OSBPL10: variants seen among roughly 807,000 people sequenced by gnomAD.
The protein encoded by OSBPL10 is oxysterol-binding protein-related protein 10.
In OSBPL10, 49 loss-of-function variants were observed where a neutral mutation model predicts 81.7. The observed-to-expected ratio is 0.60, with a 90% CI of 0.48 to 0.76. The LOEUF is 0.76. Among genes scored for constraint, OSBPL10 ranks in the 30% least tolerant of loss-of-function variants. The pLI is 0.00. For missense variants in OSBPL10, 923 were observed against 987.8 expected, an observed-to-expected ratio of 0.93 and a Z score of 0.88; for synonymous variants, 419 against 383.6, an observed-to-expected ratio of 1.09 and a Z score of -1.08.
intron 1 of OSBPL10, among the ~76,000 whole-genome samples, chr3:31,905,706 G>A (rs1007532592): frequency 1.3e-5 from 2 of 151,514 alleles, no homozygotes; most frequent in African/African-American, 4.9e-5. Flanking sequence ...GAGAGAGGAG[G>A]ACAAAGATTA....
chr3:31,708,892 C>T (rs1696162195), intron 6 of OSBPL10: 1 of 985,342 alleles, frequency 1.0e-6, no homozygotes, highest in South Asian at 4.7e-5. Context: ...GGACACATGC[C>T]TTCAGCTGGT....
At chr3:31,841,071 G>C (rs773922963) in intron 3 of OSBPL10, among the ~76,000 whole-genome samples, 1 of 152,178 alleles carries the variant, frequency 6.6e-6, no homozygotes, top group Non-Finnish European at 1.5e-5. Flanking sequence ...ACCACGCCCA[G>C]CTAATTTTGT....
At chr3:31,887,731 A>G (rs1243000132) in intron 1 of OSBPL10, among the ~76,000 whole-genome samples, 1 of 152,188 alleles carries the variant, frequency 6.6e-6, no homozygotes, top group African/African-American at 2.4e-5. Context: ...AAGACACTGG[A>G]TCCTACAGCC....
Position 31,951,177 on chromosome 3 carries a change from T to G in OSBPL10, c.281+29722A>C, listed in dbSNP as rs570115486. 2.5e-4 allele frequency among the ~76,000 whole-genome samples: 38 copies of G among 151,848 alleles called. No individual in the cohort carries two copies. In the South Asian group the frequency reaches 7.3e-3, roughly 29 times the overall value. On this transcript the variant is annotated intron_variant, in intron 1 of 11. Coordinates refer to ENST00000396556, the MANE Select transcript of OSBPL10 (RefSeq NM_017784.5). ...ACCCATCACCAGGATAAAAAATTTGTGACATAGTCACACAAAGAATGTTAT... is the reference window on the plus strand; with the variant it reads ...ACCCATCACCAGGATAAAAAATTTGGGACATAGTCACACAAAGAATGTTAT...
At chr3:31,859,151 G>A (rs981231694) in intron 3 of OSBPL10, among the ~76,000 whole-genome samples, 2 of 152,096 alleles carry the variant, frequency 1.3e-5, no homozygotes, top group Non-Finnish European at 2.9e-5. Flanking sequence ...CCCAGGCACA[G>A]CCAGAAACCA....
At position 31,783,114 on chromosome 3, in the gene OSBPL10, TATATATATATATA is replaced by T. The variant is rs1559462863; in HGVS notation, c.730-35007_730-34995del. Among the ~76,000 whole-genome samples, 52 of 20,218 alleles carry T rather than the reference TATATATATATATA, an allele frequency of 2.6e-3. 1 individual carries two copies. The South Asian group carries it at 0.057, about 22-fold the overall frequency. 13.3% of individuals were successfully genotyped at this position (20,218 alleles called of 152,430 possible). Reference sequence around the variant, plus strand: ...TATATCTATATCAATATATCTATTATATATATATATATATATATATATATATATATATACACAC... The same window carrying T: ...TATATCTATATCAATATATCTATTATTATATATATATATATATATACACAC... On this transcript the variant is annotated intron_variant, in intron 4 of 11. Transcript: ENST00000396556.
intron 1 of OSBPL10, among the ~76,000 whole-genome samples, chr3:31,977,163 CA>C (rs1698716093): frequency 6.6e-6 from 1 of 152,164 alleles, no homozygotes; most frequent in African/African-American, 2.4e-5. Context: ...CTCATCTCCA[CA>C]AAGGACGTCT....
intron 8 of OSBPL10, among the ~76,000 whole-genome samples, chr3:31,671,735 C>T (rs551976079): frequency 4.6e-5 from 7 of 152,174 alleles, no homozygotes; most frequent in Non-Finnish European, 7.3e-5. Flanking sequence ...TTATTCCTCT[C>T]AAAGCAATGC....
At chr3:31,864,187 G>A (rs1701120275) in intron 3 of OSBPL10, among the ~76,000 whole-genome samples, 2 of 152,168 alleles carry the variant, frequency 1.3e-5, no homozygotes, top group African/African-American at 2.4e-5. Flanking sequence ...AGAAGACCAT[G>A]CTGCCTGGGG....
chr3:31,911,563 T>C (rs1476990292), intron 1 of OSBPL10, among the ~76,000 whole-genome samples: 1 of 151,882 alleles, frequency 6.6e-6, no homozygotes, highest in Non-Finnish European at 1.5e-5. Context: ...AGAAGAATTG[T>C]CTTGGGCCAC....
intron 2 of OSBPL10, among the ~76,000 whole-genome samples, chr3:31,999,819 T>C (rs1393478564): frequency 1.3e-5 from 2 of 152,204 alleles, no homozygotes; most frequent in East Asian, 3.9e-4. Flanking sequence ...TGTTTTGTAC[T>C]GAAACTCTCT....
At chr3:32,054,550 GA>G (rs1235480516) in intron 1 of OSBPL10, among the ~76,000 whole-genome samples, 15 of 5,076 alleles carry the variant, frequency 3.0e-3, no homozygotes, top group African/African-American at 6.9e-3. Context: ...TTTTTTTTTT[GA>G]GACGGAGTCT....
chr3:31,732,975 T>C (rs1016404508), intron 6 of OSBPL10: 11 of 465,416 alleles, frequency 2.4e-5, no homozygotes, highest in Non-Finnish European at 3.8e-5. Flanking sequence ...AACGGGTCTG[T>C]TCGAATTTCT....
intron 10 of OSBPL10, 39 bp from the exon 11 acceptor site, chr3:31,664,271 C>A: frequency 6.3e-7 from 1 of 1,595,888 alleles, no homozygotes; most frequent in Non-Finnish European, 8.6e-7. Context: ...TCAGCCAGGC[C>A]AGCTGGCTGC....
At chr3:31,662,298 A>G (rs1165572800) in intron 11 of OSBPL10, 182 bp from the exon 12 acceptor site, 2 of 1,353,254 alleles carry the variant, frequency 1.5e-6, no homozygotes, top group African/African-American at 3.0e-5. Flanking sequence ...GATGACCTTG[A>G]CCTTCCTACC....
At chr3:32,004,071 A>T (rs1260763660) in intron 2 of OSBPL10, among the ~76,000 whole-genome samples, 1 of 152,224 alleles carries the variant, frequency 6.6e-6, no homozygotes, top group Non-Finnish European at 1.5e-5. Flanking sequence ...CTTTGGAGAC[A>T]AGCAGTAGAA....
At chr3:32,025,274 T>C (rs766959743) in intron 2 of OSBPL10, among the ~76,000 whole-genome samples, 5 of 152,232 alleles carry the variant, frequency 3.3e-5, no homozygotes, top group Non-Finnish European at 7.3e-5. Context: ...CTTTTATTAA[T>C]ATGGTATATC....
chr3:31,818,582 C>A (rs1575564785), intron 4 of OSBPL10, among the ~76,000 whole-genome samples: 1 of 152,208 alleles, frequency 6.6e-6, no homozygotes, highest in Non-Finnish European at 1.5e-5. Flanking sequence ...TGTGACTTAG[C>A]TGCTTACCCT....
intron 6 of OSBPL10, among the ~76,000 whole-genome samples, chr3:31,724,233 C>A (rs1036737140): frequency 6.6e-6 from 1 of 152,152 alleles, no homozygotes; most frequent in Non-Finnish European, 1.5e-5. Flanking sequence ...GCGCTTAATT[C>A]TTTGAGTACT....
Sources: gnomAD v4.1 joint callset for allele counts (sites outside exome capture counted in the v4.1 genomes callset) on GRCh38, gnomAD v4.1.1 for gene constraint, MANE v1.5 for transcripts, NCBI Gene and HGNC (gene_info 2026-07-23, HGNC 2026-07-21) for gene names.